SFSWAP: variants seen among roughly 807,000 people sequenced by gnomAD.
SFSWAP encodes the protein splicing factor SWAP.
In SFSWAP, 17 loss-of-function variants were observed where a neutral mutation model predicts 100.7. The observed-to-expected ratio is 0.17, with a 90% CI of 0.12 to 0.25. The LOEUF is 0.25. Ranked by LOEUF, SFSWAP falls within the 10% of genes least tolerant of loss-of-function variation. The pLI, the probability that SFSWAP is intolerant of heterozygous loss-of-function variation, is 1.00. For synonymous variants in SFSWAP, 504 were observed against 510.1 expected (o/e 0.99, Z 0.16); for missense variants, 1,005 against 1,262.6 (o/e 0.80, Z 3.09).
Position 131,711,542 on chromosome 12 carries a change from C to T in SFSWAP, c.218+95C>T, listed in dbSNP as rs957763790. 2.8e-6 allele frequency: 3 copies of T among 1,070,774 alleles called. No individual in the cohort carries two copies. The highest frequency in any genetic ancestry group is 4.1e-6 in the Non-Finnish European group (3 of 726,934). The allele number at this position is 1,070,774 out of a possible 1,614,324, so 66.3% of individuals were successfully genotyped here. A position where few individuals can be genotyped will look rare whatever the true frequency, so the allele number is the denominator to read the frequency against. On this transcript the variant is annotated intron_variant, in intron 1 of 17. Coordinates refer to ENST00000261674, the MANE Select transcript of SFSWAP (RefSeq NM_004592.4). This position sits in a 1 kb window ranked among gnomAD's most constrained non-coding sequence, Gnocchi z 4.9. ...GACTGCAAGGACTGCAGAGAGTTTT[C>T]TGGAGCCAGCGGGGATCTGGGGGAC...
intron 3 of SFSWAP, among the ~76,000 whole-genome samples, chr12:131,718,144 A>G (rs1255455857): frequency 1.3e-5 from 2 of 152,236 alleles, no homozygotes; most frequent in Non-Finnish European, 2.9e-5. Flanking sequence ...ATTGTAATCA[A>G]CTTATATCTG....
chr12:131,770,339 G>A (rs938298284), intron 13 of SFSWAP, among the ~76,000 whole-genome samples: 3 of 152,222 alleles, frequency 2.0e-5, no homozygotes, highest in Non-Finnish European at 4.4e-5. Context: ...GGCACCAGGA[G>A]GCTCATGGCA....
At chr12:131,746,115 A>G (rs1474205600) in intron 7 of SFSWAP, among the ~76,000 whole-genome samples, 1 of 152,260 alleles carries the variant, frequency 6.6e-6, no homozygotes, top group Admixed American at 6.5e-5. Flanking sequence ...ATATTGGTGA[A>G]CCATTAGCCT....
rs765793218 is a variant in SFSWAP, at chr12:131,778,229, A to T, written c.2307A>T (p.Ser769=). The change falls in exon 14 of 18, where the codon TCA becomes TCT. Residue 769 remains serine, a synonymous_variant. Transcript: ENST00000261674. The surrounding 1 kb of genome is among the most constrained non-coding windows in gnomAD (Gnocchi z 4.2). ...KKHKKRSRTR[S]RSPKYHSSSK... Reference sequence around the variant, plus strand: ...ACAAAAAAAGATCTCGAACAAGATCACGTTCTCCCAAGTACCATTCGTCAT... The same window carrying T: ...ACAAAAAAAGATCTCGAACAAGATCTCGTTCTCCCAAGTACCATTCGTCAT... 2.5e-6 allele frequency: 4 copies of T among 1,614,224 alleles called. No homozygotes were observed. Among genetic ancestry groups the T allele is most frequent in the Non-Finnish European group, 2.5e-6 (3 of 1,180,040 alleles).
chr12:131,777,441 G>T (rs571933813), intron 13 of SFSWAP, among the ~76,000 whole-genome samples: 175 of 152,240 alleles, frequency 1.1e-3, no homozygotes, highest in African/African-American at 3.9e-3. Context: ...ATGGTTTCCA[G>T]CTTCATCCAT....
At chr12:131,729,687 GT>G (rs1879322600) in intron 7 of SFSWAP, among the ~76,000 whole-genome samples, 2 of 152,286 alleles carry the variant, frequency 1.3e-5, no homozygotes, top group African/African-American at 4.8e-5. Context: ...TTCTGTAATT[GT>G]TTTATTCAGA....
At position 131,786,445 on chromosome 12, in the gene SFSWAP, G is replaced by C. The variant is rs1410123241; in HGVS notation, c.2409-18G>C. The C allele has an allele frequency of 1.3e-6, 2 of 1,581,648 alleles. No individual in the cohort carries two copies. The highest frequency in any genetic ancestry group is 2.3e-5 in the South Asian group (2 of 86,752). On this transcript the variant is annotated intron_variant, in intron 14 of 17. Transcript: ENST00000261674. Reference sequence around the variant, plus strand: ...CAGCCAGGCCACAGAGCTGAACACTGCCTCCTCCCCTGTCCAGGTCCCGCT... The same window carrying C: ...CAGCCAGGCCACAGAGCTGAACACTCCCTCCTCCCCTGTCCAGGTCCCGCT...
chr12:131,714,019 CA>C lies in SFSWAP; in HGVS notation c.219-51del. 2 of 1,415,748 alleles carry C rather than the reference CA, an allele frequency of 1.4e-6. No homozygotes were observed. The highest frequency in any genetic ancestry group is 4.6e-5 in the East Asian group (2 of 43,682). 87.7% of individuals were successfully genotyped at this position (1,415,748 alleles called of 1,614,324 possible). ...ACATATATAAAACATCACACACGCACACCAGTCTAGACGTTAATTTCCTTTT... is the reference window on the plus strand; with the variant it reads ...ACATATATAAAACATCACACACGCACCCAGTCTAGACGTTAATTTCCTTTT... On this transcript the variant is annotated intron_variant, in intron 1 of 17. Transcript: ENST00000261674. The surrounding 1 kb of genome is among the most constrained non-coding windows in gnomAD (Gnocchi z 6.0).
At chr12:131,779,236 C>CGTGTGTGAAGAGGGCGGCGCGGGTGAGG (rs1566051521) in intron 14 of SFSWAP, among the ~76,000 whole-genome samples, 15 of 133,702 alleles carry the variant, frequency 1.1e-4, no homozygotes, top group East Asian at 6.8e-4. Flanking sequence ...CGCGGGTGAG[C>CGTGTGTGAAGAGGGCGGCGCGGGTGAGG]GTGTGTGAAG....
rs1593179990 is a variant in SFSWAP at position 131,778,416 on chromosome 12, T to C, written c.2408+86T>C. 6.5e-7 allele frequency: 1 copy of C among 1,535,738 alleles called. No homozygotes were observed. The highest frequency in any genetic ancestry group is 2.3e-5 in the East Asian group (1 of 44,192). On this transcript the variant is annotated intron_variant, in intron 14 of 17. Coordinates refer to ENST00000261674, the MANE Select transcript of SFSWAP (RefSeq NM_004592.4). The surrounding 1 kb of genome is among the most constrained non-coding windows in gnomAD (Gnocchi z 4.2). ...ACCCAGTAGAGCTAGGTAGAACGTT[T>C]AAAATCAGTGCCGCTTTCATTAAGC...
At chr12:131,779,719 A>G (rs1451492746) in intron 14 of SFSWAP, among the ~76,000 whole-genome samples, 1 of 152,210 alleles carries the variant, frequency 6.6e-6, no homozygotes, top group Non-Finnish European at 1.5e-5. Context: ...GTGTAATTTT[A>G]CACATTTGCC....
At chr12:131,795,404 T>A (rs888187510) in intron 15 of SFSWAP, among the ~76,000 whole-genome samples, 2 of 152,168 alleles carry the variant, frequency 1.3e-5, no homozygotes, top group African/African-American at 4.8e-5. Context: ...AGTCCCCCCC[T>A]GCATATCGGG....
intron 7 of SFSWAP, among the ~76,000 whole-genome samples, chr12:131,737,709 G>A (rs371283923): frequency 6.6e-5 from 10 of 152,018 alleles, no homozygotes; most frequent in South Asian, 4.2e-4. Flanking sequence ...ATACTCAGTC[G>A]TTCTTTCTTA....
chr12:131,782,046 C>T (rs535840417), intron 14 of SFSWAP, among the ~76,000 whole-genome samples: 12 of 152,298 alleles, frequency 7.9e-5, no homozygotes, highest in African/African-American at 2.9e-4. Context: ...ATAAGTTAAA[C>T]AAGCTAGTCA....
intron 3 of SFSWAP, among the ~76,000 whole-genome samples, chr12:131,716,560 T>C (rs1877935345): frequency 1.3e-5 from 2 of 152,256 alleles, no homozygotes; most frequent in South Asian, 4.1e-4. Context: ...AAATAAAGAG[T>C]TGAAATACAG....
chr12:131,751,762 C>T (rs527581608), intron 7 of SFSWAP, among the ~76,000 whole-genome samples: 4 of 152,366 alleles, frequency 2.6e-5, no homozygotes, highest in Admixed American at 6.5e-5. Flanking sequence ...CAGGACCTGC[C>T]GCTGCAGGAG....
At chr12:131,787,110 C>A (rs759170001) in intron 15 of SFSWAP, among the ~76,000 whole-genome samples, 50 of 152,148 alleles carry the variant, frequency 3.3e-4, no homozygotes, top group South Asian at 4.1e-4. Context: ...CTAAGGAGAG[C>A]CTGTCTTGGT....
At chr12:131,790,721 A>T (rs1187601319) in intron 15 of SFSWAP, among the ~76,000 whole-genome samples, 1 of 152,256 alleles carries the variant, frequency 6.6e-6, no homozygotes, top group African/African-American at 2.4e-5. Context: ...TTGAGTTTCT[A>T]GTACTTAACA....
intron 7 of SFSWAP, among the ~76,000 whole-genome samples, chr12:131,741,396 G>T (rs1880613371): frequency 6.6e-6 from 1 of 152,148 alleles, no homozygotes. Context: ...AGCACTTTGG[G>T]AGGCCAAGGT....
Sources: gnomAD v4.1 joint callset for allele counts (sites outside exome capture counted in the v4.1 genomes callset) on GRCh38, gnomAD v4.1.1 for gene constraint, Gnocchi (gnomAD v3.1) non-coding constraint, MANE v1.5 for transcripts, NCBI Gene and HGNC (gene_info 2026-07-23, HGNC 2026-07-21) for gene names.